Variants in RNF144B observed in about 807,000 individuals in gnomAD.
RNF144B encodes ring finger protein 144B.
A neutral mutation model predicts 40.2 loss-of-function variants in RNF144B; 25 were observed. That is an observed-to-expected ratio of 0.62 (90% confidence interval 0.45 to 0.87). The LOEUF is 0.87. Among genes scored for constraint, RNF144B ranks in the 40% least tolerant of loss-of-function variants. The probability of loss-of-function intolerance (pLI) is 0.00; values close to 1 mark genes in which losing one functional copy is unlikely to be tolerated. For synonymous variants in RNF144B, 145 were observed against 136.3 expected (o/e 1.06, Z -0.44); for missense variants, 365 against 373.7 (o/e 0.98, Z 0.19).
rs1309386039 is a variant in RNF144B at position 18,419,228 on chromosome 6, T to A, written c.166-8353T>A. On this transcript the variant is annotated intron_variant, in intron 2 of 7. Transcript: ENST00000259939. This position sits in a 1 kb window ranked among gnomAD's most constrained non-coding sequence, Gnocchi z 4.6. ...CACCCCTCCTCCTCCTGCCTATGGC[T>A]TTTTATTAAGGATACCCTTCCCAGT... Among the ~76,000 whole-genome samples, 1 of 152,196 alleles carries A rather than the reference T, an allele frequency of 6.6e-6. No individual in the cohort carries two copies. The highest frequency in any genetic ancestry group is 6.5e-5 in the Admixed American group (1 of 15,274).
chr6:18,447,310 A>T lies in RNF144B; in HGVS notation c.331+7566A>T, dbSNP rs991680945. On this transcript the variant is annotated intron_variant, in intron 4 of 7. Transcript: ENST00000259939. This position sits in a 1 kb window ranked among gnomAD's most constrained non-coding sequence, Gnocchi z 5.6. ...CTACAAAGCCCCTGAGGCAAGAACA[A>T]GCCTGGTTTCTGTTTGAGAAACAGC... Among the ~76,000 whole-genome samples, 5 of 152,162 alleles carry T rather than the reference A, an allele frequency of 3.3e-5. No individual in the cohort carries two copies. Among genetic ancestry groups the T allele is most frequent in the African/African-American group, 1.2e-4 (5 of 41,432 alleles).
rs182452348 is a variant in RNF144B at position 18,441,033 on chromosome 6, A to C, written c.331+1289A>C. On this transcript the variant is annotated intron_variant, in intron 4 of 7. Transcript: ENST00000259939. This position sits in a 1 kb window ranked among gnomAD's most constrained non-coding sequence, Gnocchi z 4.9. ...GGGAGTCAGAAGGATTTTTGGTTTA[A>C]TGGATGATGACATAATCTGATGCTT... Among the ~76,000 whole-genome samples, 127 of 152,242 alleles carry C rather than the reference A, an allele frequency of 8.3e-4. No homozygotes were observed. The highest frequency in any genetic ancestry group is 3.0e-3 in the African/African-American group (125 of 41,554).
At position 18,459,770 on chromosome 6, in the gene RNF144B, T is replaced by C. The variant is rs1384756133; in HGVS notation, c.681+19T>C. Reference sequence around the variant, plus strand: ...CTTGGATGTAAGTTCCACCTAGGTTTGTTGTATGGTGTTTCCTATACTGTA... The same window carrying C: ...CTTGGATGTAAGTTCCACCTAGGTTCGTTGTATGGTGTTTCCTATACTGTA... On this transcript the variant is annotated intron_variant, in intron 6 of 7. Coordinates refer to ENST00000259939, the MANE Select transcript of RNF144B (RefSeq NM_182757.4). This position sits in a 1 kb window ranked among gnomAD's most constrained non-coding sequence, Gnocchi z 4.2. 7.4e-6 allele frequency: 12 copies of C among 1,611,940 alleles called. No individual in the cohort carries two copies. The highest frequency in any genetic ancestry group is 1.0e-5 in the Non-Finnish European group (12 of 1,178,152).
Position 18,457,294 on chromosome 6 carries a change from G to A in RNF144B, c.471G>A (p.Lys157=). Residue 157 remains lysine, a synonymous_variant, in exon 5 of 8, where the codon AAG becomes AAA. Transcript: ENST00000259939. The surrounding 1 kb of genome is among the most constrained non-coding windows in gnomAD (Gnocchi z 5.1). ...ACCTGAAATTCTGCTCGTGTTGCAA[G>A]GATGCTTGGCATGCAGAGGTCTCCT... ...SCHLKFCSCC[K]DAWHAEVSCR... 1.9e-6 allele frequency: 3 copies of A among 1,614,188 alleles called. No individual in the cohort carries two copies. Among genetic ancestry groups the A allele is most frequent in the South Asian group, 2.2e-5 (2 of 91,080 alleles).
At chr6:18,455,723 T>C (rs1410395425) in intron 4 of RNF144B, among the ~76,000 whole-genome samples, 2 of 152,086 alleles carry the variant, frequency 1.3e-5, no homozygotes, top group Admixed American at 1.3e-4. Flanking sequence ...TGCTACTGAA[T>C]AAAAAAGAGA....
chr6:18,411,485 ATATATATATATATTTTT>A (rs1375567580), intron 2 of RNF144B, among the ~76,000 whole-genome samples: 1 of 26,330 alleles, frequency 3.8e-5, no homozygotes, highest in Non-Finnish European at 8.4e-5. Context: ...ATATATATAT[ATATATATATATATTTTT>A]TTTTTTTTTT....
chr6:18,462,493 A>C (rs1653512460), intron 6 of RNF144B, among the ~76,000 whole-genome samples: 1 of 152,022 alleles, frequency 6.6e-6, no homozygotes, highest in Non-Finnish European at 1.5e-5. Context: ...TTTGCTTCTC[A>C]GTTTACCCCT....
In RNF144B at chr6:18,418,574, T is replaced by TG. The variant is rs1795192273; in HGVS notation, c.166-9002dup. On this transcript the variant is annotated intron_variant, in intron 2 of 7. Transcript: ENST00000259939. The surrounding 1 kb of genome is among the most constrained non-coding windows in gnomAD (Gnocchi z 5.2). ...TCCCTAGGGCTGTGCATGGAGGATC[T>TG]GGGGGAGAAATGGGGAGCATGTACT... 6.6e-6 allele frequency among the ~76,000 whole-genome samples: 1 copy of TG among 152,088 alleles called. No individual in the cohort carries two copies.
Position 18,405,307 on chromosome 6 carries a change from G to C in RNF144B, c.165+5608G>C, listed in dbSNP as rs1341927330. 6.6e-6 allele frequency among the ~76,000 whole-genome samples: 1 copy of C among 151,990 alleles called. No individual in the cohort carries two copies. The highest frequency in any genetic ancestry group is 2.4e-5 in the African/African-American group (1 of 41,388). Reference sequence around the variant, plus strand: ...TCCTGCCTCAGCCTCCGGAGTAGCTGGGATTACAGGCATGTGCCACCAGGC... The same window carrying C: ...TCCTGCCTCAGCCTCCGGAGTAGCTCGGATTACAGGCATGTGCCACCAGGC... On this transcript the variant is annotated intron_variant, in intron 2 of 7. Coordinates refer to ENST00000259939, the MANE Select transcript of RNF144B (RefSeq NM_182757.4). This position sits in a 1 kb window ranked among gnomAD's most constrained non-coding sequence, Gnocchi z 4.5.
chr6:18,397,075 T>C (rs1794707047), intron 1 of RNF144B, among the ~76,000 whole-genome samples: 2 of 152,216 alleles, frequency 1.3e-5, no homozygotes, highest in African/African-American at 4.8e-5. Context: ...GGTTTTCTGG[T>C]ACTGAGTACT....
At position 18,422,472 on chromosome 6, in the gene RNF144B, T is replaced by G. The variant is rs970888955; in HGVS notation, c.166-5109T>G. Among the ~76,000 whole-genome samples, 8 of 152,200 alleles carry G rather than the reference T, an allele frequency of 5.3e-5. No individual in the cohort carries two copies. The highest frequency in any genetic ancestry group is 1.2e-4 in the Non-Finnish European group (8 of 68,034). On this transcript the variant is annotated intron_variant, in intron 2 of 7. Coordinates refer to ENST00000259939, the MANE Select transcript of RNF144B (RefSeq NM_182757.4). This position sits in a 1 kb window ranked among gnomAD's most constrained non-coding sequence, Gnocchi z 4.7. ...AAAAGCAAAACAGGTACTCAAGACC[T>G]GTCTGGGCTTTGGCCTTTGGGCACA...
chr6:18,456,996 G>A lies in RNF144B; in HGVS notation c.332-159G>A, dbSNP rs113565059. The stretch of plus-strand genomic sequence containing the variant: ...AGAATCGGTTGAACCCAGGAGGGGA[G>A]GTTGCAGTGAGCTGAAATCATGCCA... On this transcript the variant is annotated intron_variant, in intron 4 of 7. Coordinates refer to ENST00000259939, the MANE Select transcript of RNF144B (RefSeq NM_182757.4). The surrounding 1 kb of genome is among the most constrained non-coding windows in gnomAD (Gnocchi z 4.7). Among the ~76,000 whole-genome samples, 5,374 of 152,276 alleles carry A rather than the reference G, an allele frequency of 0.035. 182 individuals are homozygous for A. The highest frequency in any genetic ancestry group is 0.088 in the African/African-American group (3,661 of 41,540).
chr6:18,413,397 T>A (rs116785683), intron 2 of RNF144B, among the ~76,000 whole-genome samples: 1,522 of 151,340 alleles, frequency 0.01, 20 homozygotes, highest in South Asian at 0.03. Context: ...ATCCAAGGAG[T>A]TTTTCAGAGA....
chr6:18,427,230 A>G (rs1758573140), intron 2 of RNF144B, among the ~76,000 whole-genome samples: 1 of 151,470 alleles, frequency 6.6e-6, no homozygotes, highest in Non-Finnish European at 1.5e-5. Flanking sequence ...GAGGACCACT[A>G]GGTAAAAATG....
At chr6:18,397,157 T>G (rs1339813563) in intron 1 of RNF144B, among the ~76,000 whole-genome samples, 1 of 152,230 alleles carries the variant, frequency 6.6e-6, no homozygotes, top group African/African-American at 2.4e-5. Flanking sequence ...GGTATGACAT[T>G]AAGAAAGTGG....
Position 18,410,195 on chromosome 6 carries a change from T to C in RNF144B, c.165+10496T>C, listed in dbSNP as rs544417673. Among the ~76,000 whole-genome samples the C allele has an allele frequency of 6.6e-6, 1 of 152,330 alleles. No individual in the cohort carries two copies. Among genetic ancestry groups the C allele is most frequent in the African/African-American group, 2.4e-5 (1 of 41,584 alleles). On this transcript the variant is annotated intron_variant, in intron 2 of 7. Transcript: ENST00000259939. This position sits in a 1 kb window ranked among gnomAD's most constrained non-coding sequence, Gnocchi z 4.6. ...TGCCACTAAGTCACCAAAGTTTATG[T>C]ATTTCTTCTTTTGAAGTTGCACCCT...
chr6:18,453,692 C>G (rs1759265978), intron 4 of RNF144B, among the ~76,000 whole-genome samples: 1 of 152,132 alleles, frequency 6.6e-6, no homozygotes, highest in African/African-American at 2.4e-5. Context: ...TAAATTTCTA[C>G]TTACATACAC....
chr6:18,424,325 T>A (rs556374231), intron 2 of RNF144B, among the ~76,000 whole-genome samples: 1 of 152,328 alleles, frequency 6.6e-6, no homozygotes, highest in African/African-American at 2.4e-5. Context: ...GCTGGTTGTT[T>A]TCCCTCTTTG....
Position 18,460,024 on chromosome 6 carries a change from A to C in RNF144B, c.681+273A>C, listed in dbSNP as rs1470564710. On this transcript the variant is annotated intron_variant, in intron 6 of 7. Coordinates refer to ENST00000259939, the MANE Select transcript of RNF144B (RefSeq NM_182757.4). This position sits in a 1 kb window ranked among gnomAD's most constrained non-coding sequence, Gnocchi z 4.4. ...CATTGTCTCTATTATGTAAAGGACTATTAGTGTCTTCATTTTATATTGCTG... is the reference window on the plus strand; with the variant it reads ...CATTGTCTCTATTATGTAAAGGACTCTTAGTGTCTTCATTTTATATTGCTG... Among the ~76,000 whole-genome samples, 1 of 152,208 alleles carries C rather than the reference A, an allele frequency of 6.6e-6. No homozygotes were observed. Among genetic ancestry groups the C allele is most frequent in the African/African-American group, 2.4e-5 (1 of 41,452 alleles).
Sources: allele counts gnomAD v4.1 joint callset (sites outside exome capture counted in the v4.1 genomes callset), GRCh38; gene constraint gnomAD v4.1.1; non-coding constraint Gnocchi (gnomAD v3.1); transcripts MANE v1.5; gene names NCBI Gene and HGNC (gene_info 2026-07-23, HGNC 2026-07-21).